CAPN2: variants seen among roughly 807,000 people sequenced by gnomAD.
CAPN2 encodes calpain 2.
In CAPN2, 92 loss-of-function variants were observed where a neutral mutation model predicts 102.3. That is an observed-to-expected ratio of 0.90 (90% CI 0.76 to 1.07). The LOEUF is 1.07. Among genes scored for constraint, CAPN2 ranks in the 50% least tolerant of loss-of-function variants. CAPN2 has a pLI of 0.00. For synonymous variants in CAPN2, 340 were observed against 355.4 expected, an observed-to-expected ratio of 0.96 and a Z score of 0.49; for missense variants, 800 against 909.4, an observed-to-expected ratio of 0.88 and a Z score of 1.55.
Position 223,775,227 on chromosome 1 carries a change from G to A in CAPN2, c.*370G>A, listed in dbSNP as rs10961. 0.5 allele frequency: 95,712 copies of A among 189,776 alleles called. 27,012 individuals are homozygous for A. The highest frequency in any genetic ancestry group is 0.81 in the African/African-American group (34,675 of 42,678). 11.8% of individuals were successfully genotyped at this position (189,776 alleles called of 1,614,324 possible). A position where few individuals can be genotyped will look rare whatever the true frequency, so the allele number is the denominator to read the frequency against. ...AACAGCTGAGCAAAAACATTGAGTC[G>A]CTCTCAAAGGACACGAGGCCCTTGG... On this transcript the variant is annotated 3_prime_UTR_variant, in exon 21 of 21. Transcript: ENST00000295006.
At chr1:223,751,726 T>TA (rs1408598074) in intron 7 of CAPN2, among the ~76,000 whole-genome samples, 1 of 152,228 alleles carries the variant, frequency 6.6e-6, no homozygotes, top group Non-Finnish European at 1.5e-5. Flanking sequence ...TAATGAACTA[T>TA]GTTCATTTTC....
intron 5 of CAPN2, 138 bp from the exon 6 acceptor site, chr1:223,748,901 C>T (rs1350344042): frequency 1.3e-6 from 1 of 754,840 alleles, no homozygotes; most frequent in East Asian, 2.7e-5. Context: ...AAGCGCAGCC[C>T]TGAGCCTCCC....
upstream of CAPN2, chr1:223,712,262 C>T (rs1415124368): frequency 6.1e-6 from 1 of 164,908 alleles, no homozygotes; most frequent in Non-Finnish European, 1.3e-5. Context: ...TCCTAGCCTT[C>T]TTCCCTATGG....
At chr1:223,749,360 A>C in intron 6 of CAPN2, 5 of 590,084 alleles carry the variant, frequency 8.5e-6, no homozygotes, top group Non-Finnish European at 1.5e-5. Context: ...CCCTGGTTTT[A>C]CTTGTTTTAG....
chr1:223,757,726 A>T, intron 11 of CAPN2: 1 of 380,442 alleles, frequency 2.6e-6, no homozygotes, highest in Non-Finnish European at 4.8e-6. Context: ...GTCAGGGAAA[A>T]GGTGAACCCT....
intron 2 of CAPN2, among the ~76,000 whole-genome samples, chr1:223,730,670 G>T (rs1400512738): frequency 6.6e-6 from 1 of 152,148 alleles, no homozygotes; most frequent in Non-Finnish European, 1.5e-5. Flanking sequence ...GTTAAGGCTG[G>T]TCAGCTGTGC....
At chr1:223,717,139 A>C (rs1031887033) in intron 1 of CAPN2, among the ~76,000 whole-genome samples, 2 of 152,320 alleles carry the variant, frequency 1.3e-5, no homozygotes, top group South Asian at 4.1e-4. Context: ...GGAAGAATTC[A>C]AAAGGGTTAG....
chr1:223,772,224 G>A lies in CAPN2; in HGVS notation c.2064G>A (p.Glu688=), dbSNP rs543212458. The change falls in exon 20 of 21, where the codon GAG becomes GAA. Residue 688 remains glutamate, a synonymous_variant. Coordinates refer to ENST00000295006, the MANE Select transcript of CAPN2 (RefSeq NM_001748.5). ...QLDPENTGTI[E]LDLISWLCFS... ...ATCCCGAGAATACTGGAACAATAGA[G>A]CTCGACCTTATCTCTGTGAGTCAGC... The A allele has an allele frequency of 1.4e-5, 22 of 1,614,062 alleles. No individual in the cohort carries two copies. In the African/African-American group the frequency reaches 2.3e-4, roughly 17 times the overall value.
chr1:223,769,040 C>T (rs1018976870), intron 16 of CAPN2, among the ~76,000 whole-genome samples: 1 of 152,172 alleles, frequency 6.6e-6, no homozygotes, highest in African/African-American at 2.4e-5. Context: ...CCATTTCCCC[C>T]TTGTTTCCAA....
At chr1:223,749,414 C>G in intron 6 of CAPN2, 1 of 520,500 alleles carries the variant, frequency 1.9e-6, no homozygotes, top group Non-Finnish European at 3.4e-6. Context: ...TTTTGATAAG[C>G]TAAAAATAAT....
chr1:223,703,628 C>A (rs568738089), intron 1 of CAPN2, among the ~76,000 whole-genome samples: 131 of 152,324 alleles, frequency 8.6e-4, no homozygotes, highest in South Asian at 4.1e-3. Context: ...CCTTTCCTTC[C>A]CCATCTCTTT....
chr1:223,723,449 C>G (rs997093656), intron 2 of CAPN2, among the ~76,000 whole-genome samples: 10 of 152,170 alleles, frequency 6.6e-5, no homozygotes, highest in Admixed American at 2.0e-4. Context: ...TCTTCACCAC[C>G]AGTCCCAGCA....
intron 6 of CAPN2, 109 bp from the exon 7 acceptor site, chr1:223,750,781 C>T: frequency 2.0e-6 from 2 of 984,910 alleles, no homozygotes; most frequent in Admixed American, 4.0e-5. Context: ...TCCCCACCGT[C>T]CTCAGCCCCA....
intron 2 of CAPN2, among the ~76,000 whole-genome samples, chr1:223,733,791 G>C (rs1039782277): frequency 1.3e-5 from 2 of 152,264 alleles, no homozygotes; most frequent in African/African-American, 4.8e-5. Flanking sequence ...ATAGGCAAAA[G>C]TGGCTTAACT....
At chr1:223,717,238 G>A (rs1396612031) in intron 1 of CAPN2, among the ~76,000 whole-genome samples, 1 of 152,186 alleles carries the variant, frequency 6.6e-6, no homozygotes, top group Non-Finnish European at 1.5e-5. Flanking sequence ...CTGGGACTCA[G>A]ACTTGAAGGG....
intron 16 of CAPN2, among the ~76,000 whole-genome samples, chr1:223,767,296 G>A (rs922807561): frequency 1.1e-4 from 17 of 151,016 alleles, no homozygotes; most frequent in African/African-American, 3.4e-4. Context: ...CCACTAACTC[G>A]TCATCTAGCA....
chr1:223,707,187 A>T (rs7555491), intron 1 of CAPN2, among the ~76,000 whole-genome samples: 2 of 152,032 alleles, frequency 1.3e-5, no homozygotes, highest in South Asian at 2.1e-4. Flanking sequence ...ACTGAAAAAG[A>T]TTCCATTGCC....
Position 223,752,053 on chromosome 1 carries a change from A to C in CAPN2, c.956A>C (p.His319Pro). The C allele has an allele frequency of 6.2e-7, 1 of 1,612,390 alleles. No individual in the cohort carries two copies. ...PEERERLTRRHEDGEFWMSFS... is the reference protein window; with the variant it reads ...PEERERLTRRPEDGEFWMSFS... ...GAGAGGGAAAGGCTGACCAGACGGC[A>C]TGAAGATGGAGAATTCTGGTAAGAT... The change falls in exon 8 of 21, where the codon CAT (histidine) becomes CCT (proline). Residue 319 changes from histidine to proline, a missense_variant. Physicochemically the swap from His to Pro is moderately conservative, Grantham distance 77 (BLOSUM62 -2). Coordinates refer to ENST00000295006, the MANE Select transcript of CAPN2 (RefSeq NM_001748.5).
intron 1 of CAPN2, 49 bp downstream of exon 1, chr1:223,712,926 CG>C: frequency 7.2e-7 from 1 of 1,385,518 alleles, no homozygotes; most frequent in Middle Eastern, 2.4e-4. Context: ...CCGGGCAGGG[CG>C]GGGTGCAGGC....
Sources: gnomAD v4.1 joint callset for allele counts (sites outside exome capture counted in the v4.1 genomes callset) on GRCh38, gnomAD v4.1.1 for gene constraint, MANE v1.5 for transcripts, NCBI Gene and HGNC (gene_info 2026-07-23, HGNC 2026-07-21) for gene names.